DLG2: variants seen among roughly 807,000 people sequenced by gnomAD.
The protein encoded by DLG2 is disks large homolog 2.
A neutral mutation model predicts 132.5 loss-of-function variants in DLG2; 45 were observed. The ratio of observed to expected loss-of-function variants is 0.34; its 90% CI spans 0.27 to 0.44. The LOEUF is 0.44. Among genes scored for constraint, DLG2 ranks in the 20% least tolerant of loss-of-function variants. The pLI, the probability that DLG2 is intolerant of heterozygous loss-of-function variation, is 1.00. For missense variants in DLG2, 1,045 were observed against 1,196.9 expected (o/e 0.87, Z 1.87); for synonymous variants, 424 against 419.6 (o/e 1.01, Z -0.13).
rs961671568 is a variant in DLG2, at chr11:85,091,013, C to T, written c.357+20648G>A. Among the ~76,000 whole-genome samples the T allele has an allele frequency of 7.2e-5, 11 of 152,236 alleles. No homozygotes were observed. In the South Asian group the frequency reaches 2.1e-3, roughly 29 times the overall value. On this transcript the variant is annotated intron_variant, in intron 6 of 27. Coordinates refer to ENST00000376104, the MANE Select transcript of DLG2 (RefSeq NM_001142699.3). ...GTGGTGCCATGTTCTCTTTAACAAT[C>T]AGCTCTCATGGGAACTAATAGAGCA...
chr11:84,749,014 A>G (rs1267995329), intron 6 of DLG2, among the ~76,000 whole-genome samples: 1 of 152,194 alleles, frequency 6.6e-6, no homozygotes, highest in Non-Finnish European at 1.5e-5. Context: ...AATAAAATAA[A>G]TTAAGAATAA....
intron 6 of DLG2, among the ~76,000 whole-genome samples, chr11:84,841,877 A>C (rs2080742731): frequency 6.6e-6 from 1 of 151,896 alleles, no homozygotes; most frequent in Admixed American, 6.6e-5. Flanking sequence ...CAGGTTTCTA[A>C]ATTTTTATTA....
chr11:84,290,648 G>C (rs2097979785), intron 7 of DLG2, among the ~76,000 whole-genome samples: 1 of 152,100 alleles, frequency 6.6e-6, no homozygotes, highest in Non-Finnish European at 1.5e-5. Context: ...TATAGGCATT[G>C]TACCCATCTA....
intron 6 of DLG2, among the ~76,000 whole-genome samples, chr11:85,065,681 T>C (rs1161774572): frequency 1.3e-5 from 2 of 151,210 alleles, no homozygotes; most frequent in Admixed American, 1.3e-4. Flanking sequence ...AGTATAAAAA[T>C]ACATGGAAAT....
At chr11:84,715,279 A>C (rs1211318916) in intron 6 of DLG2, among the ~76,000 whole-genome samples, 1 of 152,172 alleles carries the variant, frequency 6.6e-6, no homozygotes, top group Non-Finnish European at 1.5e-5. Flanking sequence ...GTAAATATTC[A>C]AAATATACAA....
At chr11:84,302,433 T>C (rs927949395) in intron 7 of DLG2, among the ~76,000 whole-genome samples, 1 of 152,206 alleles carries the variant, frequency 6.6e-6, no homozygotes, top group Non-Finnish European at 1.5e-5. Context: ...TGCAACATGA[T>C]GCTAATTTTT....
At chr11:84,185,869 T>A (rs1262179125) in intron 8 of DLG2, among the ~76,000 whole-genome samples, 1 of 152,294 alleles carries the variant, frequency 6.6e-6, no homozygotes, top group Non-Finnish European at 1.5e-5. Flanking sequence ...TAAAAACAAA[T>A]TCAGTCTTTT....
intron 4 of DLG2, among the ~76,000 whole-genome samples, chr11:85,161,558 T>A (rs1189178292): frequency 6.6e-6 from 1 of 152,240 alleles, no homozygotes; most frequent in African/African-American, 2.4e-5. Flanking sequence ...TTGCCTATCC[T>A]GCACGTAATT....
At chr11:84,600,746 G>C (rs952608562) in intron 6 of DLG2, among the ~76,000 whole-genome samples, 2 of 151,988 alleles carry the variant, frequency 1.3e-5, no homozygotes, top group East Asian at 3.8e-4. Flanking sequence ...GCATTTTTGG[G>C]TATTTCTTGG....
chr11:85,096,455 G>A (rs550072269), intron 6 of DLG2, among the ~76,000 whole-genome samples: 10 of 151,582 alleles, frequency 6.6e-5, no homozygotes, highest in African/African-American at 1.5e-4. Flanking sequence ...GCAAAGGGCC[G>A]CGGCTTCATT....
intron 7 of DLG2, among the ~76,000 whole-genome samples, chr11:84,519,223 C>G (rs2099285650): frequency 6.6e-6 from 1 of 152,078 alleles, no homozygotes; most frequent in Non-Finnish European, 1.5e-5. Flanking sequence ...AATAAATACC[C>G]AGTGCACATT....
At chr11:85,414,684 G>A (rs1454005369) in intron 3 of DLG2, among the ~76,000 whole-genome samples, 1 of 151,908 alleles carries the variant, frequency 6.6e-6, no homozygotes, top group Non-Finnish European at 1.5e-5. Flanking sequence ...CTCTATTGCT[G>A]TAAGTGGAGT....
intron 3 of DLG2, among the ~76,000 whole-genome samples, chr11:85,362,756 T>C (rs2084260669): frequency 6.6e-6 from 1 of 152,176 alleles, no homozygotes; most frequent in Non-Finnish European, 1.5e-5. Flanking sequence ...GGGATGATAT[T>C]TTTCTTTTTT....
At chr11:84,719,885 A>C (rs1286913761) in intron 6 of DLG2, among the ~76,000 whole-genome samples, 2 of 150,028 alleles carry the variant, frequency 1.3e-5, no homozygotes, top group African/African-American at 5.1e-5. Context: ...CGACCACCCC[A>C]CTTACTCCTG....
intron 3 of DLG2, among the ~76,000 whole-genome samples, chr11:85,370,571 G>C (rs977732489): frequency 6.6e-6 from 1 of 152,122 alleles, no homozygotes; most frequent in African/African-American, 2.4e-5. Context: ...GTTATAAAAG[G>C]TTTTTGCTTC....
intron 6 of DLG2, among the ~76,000 whole-genome samples, chr11:84,777,020 G>A (rs2070676305): frequency 1.3e-5 from 2 of 151,810 alleles, no homozygotes; most frequent in African/African-American, 2.4e-5. Flanking sequence ...TACCCATTAA[G>A]TAATTTCTTA....
chr11:84,208,425 C>T (rs1014523050), intron 8 of DLG2, among the ~76,000 whole-genome samples: 1 of 148,946 alleles, frequency 6.7e-6, no homozygotes, highest in African/African-American at 2.5e-5. Flanking sequence ...CCTACGGCAA[C>T]CTCTGCCTCA....
intron 5 of DLG2, among the ~76,000 whole-genome samples, chr11:85,124,194 A>G (rs570253848): frequency 2.0e-5 from 3 of 152,350 alleles, no homozygotes; most frequent in African/African-American, 7.2e-5. Flanking sequence ...CTTGTCTGGG[A>G]TGTTCTTTGC....
rs991606009 is a variant in DLG2 at position 84,791,382 on chromosome 11, C to T, written c.358-256651G>A. Among the ~76,000 whole-genome samples, 5 of 152,210 alleles carry T rather than the reference C, an allele frequency of 3.3e-5. No homozygotes were observed. In the South Asian group the frequency reaches 1.0e-3, roughly 32 times the overall value. On this transcript the variant is annotated intron_variant, in intron 6 of 27. Coordinates refer to ENST00000376104, the MANE Select transcript of DLG2 (RefSeq NM_001142699.3). ...CAATTTGAAGTCAGGTAATGTGATT[C>T]CTCCAGTTTTGTTCTTTTGCTCAGA...
Sources: allele counts gnomAD v4.1 joint callset (sites outside exome capture counted in the v4.1 genomes callset), GRCh38; gene constraint gnomAD v4.1.1; transcripts MANE v1.5; gene names NCBI Gene and HGNC (gene_info 2026-07-23, HGNC 2026-07-21).